The following PLCB4 variants were observed in gnomAD, a reference collection of about 807,000 sequenced individuals.
PLCB4 encodes the protein 1-phosphatidylinositol 4,5-bisphosphate phosphodiesterase beta-4.
PLCB4 carries 77 observed loss-of-function variants against 178.8 expected under a neutral mutation model. The observed-to-expected ratio is 0.43, with a 90% CI of 0.36 to 0.52. The LOEUF is 0.52. PLCB4 is among the 20% of genes least tolerant of loss of function. The pLI is 0.00. For missense variants in PLCB4, 1,024 were observed against 1,453.4 expected (o/e 0.70, Z 4.80); for synonymous variants, 496 against 490.8 (o/e 1.01, Z -0.14).
At chr20:9,353,360 G>A (rs762086146) in intron 7 of PLCB4, among the ~76,000 whole-genome samples, 9 of 152,124 alleles carry the variant, frequency 5.9e-5, no homozygotes, top group Non-Finnish European at 8.8e-5. Flanking sequence ...TGTCCCATGG[G>A]CATGTGGGCG....
In PLCB4 at chr20:9,466,850, C is replaced by T. The variant is rs543780039; in HGVS notation, c.3249-1721C>T. ...TTGGTGGGAGTGTAAATTTGTTCAA[C>T]GATTGTGGAAGACAGTGTGGCGATT... On this transcript the variant is annotated intron_variant, in intron 35 of 39. Transcript: ENST00000378473. Among the ~76,000 whole-genome samples the T allele has an allele frequency of 2.3e-4, 35 of 152,174 alleles. No homozygotes were observed. The South Asian group carries it at 2.7e-3, about 12-fold the overall frequency.
chr20:9,473,346 T>C lies in PLCB4; in HGVS notation c.3476T>C (p.Leu1159Pro). ...GTCCAGCTTGAACATCTAGAATTCCTAGAGAAACAGAATGAGCAGGTATTT... is the reference window on the plus strand; with the variant it reads ...GTCCAGCTTGAACATCTAGAATTCCCAGAGAAACAGAATGAGCAGGTATTT... ...KKVQLEHLEF[L>P]EKQNEQLLKS... The change falls in exon 38 of 40, where the codon CTA becomes CCA. Residue 1159 changes from leucine (L) to proline (P), a missense_variant. Physicochemically the swap from Leu to Pro is moderately conservative, Grantham distance 98. Around this residue, in one of 7 missense-constraint regions of PLCB4, gnomAD observed 264 missense variants for 283.2 expected, o/e 0.93. Transcript: ENST00000378473. 1 of 1,591,324 alleles carries C rather than the reference T, an allele frequency of 6.3e-7. No individual in the cohort carries two copies. Among genetic ancestry groups the C allele is most frequent in the Non-Finnish European group, 8.6e-7 (1 of 1,163,924 alleles).
intron 36 of PLCB4, among the ~76,000 whole-genome samples, chr20:9,471,901 C>T (rs906069991): frequency 7.2e-5 from 11 of 152,176 alleles, no homozygotes; most frequent in African/African-American, 2.4e-4. Flanking sequence ...CCTGTGTGCA[C>T]AAGAAGATAT....
intron 35 of PLCB4, among the ~76,000 whole-genome samples, chr20:9,460,353 G>A (rs1355709401): frequency 6.6e-6 from 1 of 152,204 alleles, no homozygotes; most frequent in African/African-American, 2.4e-5. Flanking sequence ...CACACAGAGA[G>A]ATAAAGACCA....
chr20:9,440,553 G>T (rs1206126932), intron 30 of PLCB4, among the ~76,000 whole-genome samples: 1 of 152,160 alleles, frequency 6.6e-6, no homozygotes, highest in Admixed American at 6.5e-5. Context: ...GTTCCTTGAT[G>T]AGTCCTAGAC....
intron 3 of PLCB4, among the ~76,000 whole-genome samples, chr20:9,274,426 T>C (rs2094434038): frequency 6.6e-6 from 1 of 152,052 alleles, no homozygotes; most frequent in Admixed American, 6.6e-5. Flanking sequence ...ATGCTTGTCT[T>C]CAGTATCTTA....
At chr20:9,473,499 A>AT (rs1568918068) in intron 38 of PLCB4, 134 bp downstream of exon 38, 1 of 455,382 alleles carries the variant, frequency 2.2e-6, no homozygotes, top group African/African-American at 2.0e-5. Flanking sequence ...GCCCATTACT[A>AT]TATTTTCTCC....
chr20:9,186,595 T>A (rs1002876963), intron 2 of PLCB4, among the ~76,000 whole-genome samples: 2 of 152,234 alleles, frequency 1.3e-5, no homozygotes, highest in Non-Finnish European at 2.9e-5. Context: ...TTGTCTTTCC[T>A]GTCTGGCCGT....
chr20:9,127,902 G>A (rs998717835), intron 2 of PLCB4, among the ~76,000 whole-genome samples: 45 of 152,166 alleles, frequency 3.0e-4, no homozygotes, highest in African/African-American at 9.9e-4. Context: ...GGCCAGACTC[G>A]TCTTGAACTC....
chr20:9,223,471 C>T (rs569376255), intron 3 of PLCB4, among the ~76,000 whole-genome samples: 49 of 152,322 alleles, frequency 3.2e-4, no homozygotes, highest in African/African-American at 1.1e-3. Context: ...CTGTGCATTT[C>T]TGGCTTGAGT....
Position 9,337,185 on chromosome 20 carries a change from G to T in PLCB4, c.144G>T (p.Leu48=). The T allele has an allele frequency of 6.2e-7, 1 of 1,612,970 alleles. No individual in the cohort carries two copies. The highest frequency in any genetic ancestry group is 8.5e-7 in the Non-Finnish European group (1 of 1,179,106). The stretch of plus-strand genomic sequence containing the variant: ...AAGTGGATGAGTTTGGCTTCTTTCT[G>T]ACATGGAGAAGTGAAGGCAAGGTAT... ...LFKVDEFGFF[L]TWRSEGKEGQ... is the part of the protein sequence containing the mutation. The change falls in exon 5 of 40, where the codon CTG becomes CTT. Residue 48 remains leucine, a synonymous_variant. Coordinates refer to ENST00000378473, the MANE Select transcript of PLCB4 (RefSeq NM_001377142.1).
At chr20:9,140,505 C>T (rs2092466197) in intron 2 of PLCB4, among the ~76,000 whole-genome samples, 1 of 151,712 alleles carries the variant, frequency 6.6e-6, no homozygotes, top group Admixed American at 6.6e-5. Context: ...TTGTCCCTTC[C>T]AAATCTCAAG....
chr20:9,112,897 A>G (rs1000359685), intron 2 of PLCB4, among the ~76,000 whole-genome samples: 1 of 152,120 alleles, frequency 6.6e-6, no homozygotes, highest in Admixed American at 6.5e-5. Flanking sequence ...TTTAAAAAAA[A>G]ATTCAGCTTC....
intron 2 of PLCB4, among the ~76,000 whole-genome samples, chr20:9,178,089 C>G (rs1568901004): frequency 6.6e-6 from 1 of 152,156 alleles, no homozygotes; most frequent in Non-Finnish European, 1.5e-5. Context: ...GAGGCTGAGG[C>G]CAGTGGATCA....
chr20:9,189,345 A>G (rs2093368987), intron 2 of PLCB4, among the ~76,000 whole-genome samples: 1 of 86,866 alleles, frequency 1.2e-5, no homozygotes, highest in Admixed American at 1.1e-4. Context: ...TCATATAGTG[A>G]CATTCTGGGT....
chr20:9,409,592 A>G (rs1447236660), intron 24 of PLCB4, among the ~76,000 whole-genome samples: 1 of 152,228 alleles, frequency 6.6e-6, no homozygotes, highest in African/African-American at 2.4e-5. Context: ...ACCACTGTGA[A>G]CATTCAGCAA....
chr20:9,291,545 G>A (rs2094579868), intron 3 of PLCB4, among the ~76,000 whole-genome samples: 1 of 152,276 alleles, frequency 6.6e-6, no homozygotes, highest in Non-Finnish European at 1.5e-5. Context: ...GAAAGGTTTA[G>A]AGATTTTGAA....
In PLCB4 at chr20:9,229,378, A is replaced by G. The variant is rs148672474; in HGVS notation, c.-16+11926A>G. Among the ~76,000 whole-genome samples the G allele has an allele frequency of 2.7e-4, 41 of 152,224 alleles. No individual in the cohort carries two copies. In the East Asian group the frequency reaches 6.8e-3, roughly 25 times the overall value. On this transcript the variant is annotated intron_variant, in intron 3 of 39. Coordinates refer to ENST00000378473, the MANE Select transcript of PLCB4 (RefSeq NM_001377142.1). ...TTTTTAGCCACTAAAATTGATTCAG[A>G]AATTCTGCAAACAAAGGAAGGATTT... is the stretch of plus-strand genomic sequence containing the variant.
chr20:9,473,436 C>A, intron 38 of PLCB4, 71 bp downstream of exon 38: 1 of 776,100 alleles, frequency 1.3e-6, no homozygotes, highest in Non-Finnish European at 2.2e-6. Context: ...CCATGGCCCA[C>A]AGTGACCAGT....
Sources: allele counts gnomAD v4.1 joint callset (sites outside exome capture counted in the v4.1 genomes callset), GRCh38; gene constraint gnomAD v4.1.1; regional missense constraint gnomAD v4.1.1; transcripts MANE v1.5; gene names NCBI Gene and HGNC (gene_info 2026-07-23, HGNC 2026-07-21).